Variants in CPLANE1 observed in about 807,000 individuals in gnomAD.
CPLANE1 encodes ciliogenesis and planar polarity effector 1.
Under a neutral mutation model 362.5 loss-of-function variants are expected in CPLANE1, and 263 were observed. That is an observed-to-expected ratio of 0.73 (90% CI 0.66 to 0.80). CPLANE1 has a LOEUF of 0.80. CPLANE1 is among the 30% of genes least tolerant of loss of function. The probability of loss-of-function intolerance (pLI) is 0.00; values close to 1 mark genes in which losing one functional copy is unlikely to be tolerated. For missense variants in CPLANE1, 3,461 were observed against 3,793.4 expected (o/e 0.91, Z 2.30); for synonymous variants, 1,212 against 1,302.6 (o/e 0.93, Z 1.50).
chr5:37,130,164 A>G (rs1052444386), intron 46 of CPLANE1, among the ~76,000 whole-genome samples: 1 of 152,210 alleles, frequency 6.6e-6, no homozygotes, highest in Non-Finnish European at 1.5e-5. Flanking sequence ...CAAACATTGT[A>G]TGCTCTCACT....
chr5:37,130,126 T>G (rs540014556), intron 46 of CPLANE1, among the ~76,000 whole-genome samples: 1 of 152,210 alleles, frequency 6.6e-6, no homozygotes, highest in Non-Finnish European at 1.5e-5. Context: ...ACCATTATCC[T>G]AAGTGAAATA....
In CPLANE1 at chr5:37,213,720, G is replaced by C; in HGVS notation, c.2759C>G (p.Ser920Cys). Residue 920 changes from serine to cysteine, a missense_variant, in exon 16 of 53, where the codon TCT becomes TGT. Ser to Cys is a moderately radical substitution (Grantham distance 112, BLOSUM62 -1). Coordinates refer to ENST00000651892, the MANE Select transcript of CPLANE1 (RefSeq NM_001384732.1). Reference sequence around the variant, plus strand: ...GCCCACCATTCCACACTCAAAATGAGACTTTGCAGCACCTAAGGAATACAG... The same window carrying C: ...GCCCACCATTCCACACTCAAAATGACACTTTGCAGCACCTAAGGAATACAG... ...ENKDFSGAAK[S>C]HFECGMVGGV... is the part of the protein sequence containing the mutation. 6.6e-7 allele frequency: 1 copy of C among 1,508,410 alleles called. No homozygotes were observed. The highest frequency in any genetic ancestry group is 8.9e-7 in the Non-Finnish European group (1 of 1,121,026). The allele number at this position is 1,508,410 out of a possible 1,614,324, so 93.4% of individuals were successfully genotyped here. A position where few individuals can be genotyped will look rare whatever the true frequency, so the allele number is the denominator to read the frequency against.
chr5:37,230,709 CAG>C (rs1797550790), intron 9 of CPLANE1, among the ~76,000 whole-genome samples, 156 bp downstream of exon 9: 1 of 151,730 alleles, frequency 6.6e-6, no homozygotes. Flanking sequence ...CAAAAAGAAA[CAG>C]AAGAAAACTA....
At chr5:37,215,739 CTTTTTTTTTTTTTTTT>C in intron 15 of CPLANE1, among the ~76,000 whole-genome samples, 1 of 95,200 alleles carries the variant, frequency 1.1e-5, no homozygotes, top group East Asian at 3.2e-4. Flanking sequence ...CTTCTCTTTC[CTTTTTTTTTTTTTTTT>C]TTTTTTTTGA....
chr5:37,152,228 G>A lies in CPLANE1; in HGVS notation c.8373+1512C>T, dbSNP rs192325564. Among the ~76,000 whole-genome samples the A allele has an allele frequency of 4.9e-4, 74 of 152,088 alleles. No homozygotes were observed. The East Asian group carries it at 7.4e-3, about 15-fold the overall frequency. ...GTCTTGCTCTGACACCCAGGCTACA[G>A]TGCAGTGGCACAATAATAGCTTACT... is the stretch of plus-strand genomic sequence containing the variant. On this transcript the variant is annotated intron_variant, in intron 42 of 52. Transcript: ENST00000651892.
chr5:37,196,131 TCAGA>T (rs1787347898), intron 20 of CPLANE1, 135 bp from the exon 21 acceptor site: 14 of 554,566 alleles, frequency 2.5e-5, no homozygotes, highest in African/African-American at 3.9e-5. Context: ...AGCTATATTT[TCAGA>T]AACTTACAAA....
chr5:37,142,840 G>A (rs1351892226), intron 43 of CPLANE1, among the ~76,000 whole-genome samples: 1 of 152,206 alleles, frequency 6.6e-6, no homozygotes, highest in African/African-American at 2.4e-5. Context: ...CAGTAAGTGG[G>A]CAATGATGCT....
At chr5:37,143,732 G>C (rs144372925) in intron 43 of CPLANE1, among the ~76,000 whole-genome samples, 10 of 152,006 alleles carry the variant, frequency 6.6e-5, no homozygotes, top group Non-Finnish European at 2.9e-5. Flanking sequence ...TCAGGAGTTC[G>C]AGAACAGCCT....
At chr5:37,235,076 C>G (rs940443431) in intron 8 of CPLANE1, among the ~76,000 whole-genome samples, 23 of 152,120 alleles carry the variant, frequency 1.5e-4, no homozygotes, top group Middle Eastern at 3.4e-3. Flanking sequence ...CTAGAAAACC[C>G]TAAAGACTCC....
At chr5:37,202,038 C>T (rs1033974163) in intron 18 of CPLANE1, among the ~76,000 whole-genome samples, 1 of 151,468 alleles carries the variant, frequency 6.6e-6, no homozygotes, top group Non-Finnish European at 1.5e-5. Context: ...AACAACTATA[C>T]AATAAAAATA....
chr5:37,173,968 T>A, intron 31 of CPLANE1, 21 bp from the exon 32 acceptor site: 1 of 1,588,160 alleles, frequency 6.3e-7, no homozygotes. Flanking sequence ...AGCATTTAAA[T>A]AAAAAACATG....
At chr5:37,105,200 C>T (rs1757501736), downstream of CPLANE1, among the ~76,000 whole-genome samples, 3 of 151,722 alleles carry the variant, frequency 2.0e-5, no homozygotes, top group East Asian at 3.9e-4. Flanking sequence ...CTTGGGTAGT[C>T]GAGGTGGGAG....
intron 47 of CPLANE1, among the ~76,000 whole-genome samples, chr5:37,123,132 T>G (rs534345226): frequency 6.6e-5 from 10 of 152,310 alleles, no homozygotes; most frequent in South Asian, 2.1e-4. Flanking sequence ...TTTTTATGTT[T>G]TAAAATGTTT....
the CPLANE1 span, among the ~76,000 whole-genome samples, chr5:37,081,720 C>T: frequency 6.6e-6 from 1 of 152,086 alleles, no homozygotes; most frequent in Non-Finnish European, 1.5e-5. Flanking sequence ...TCATGAAAAA[C>T]ATCAACCTAC....
chr5:37,157,958 A>AAG, intron 39 of CPLANE1, 90 bp from the exon 40 acceptor site: 1 of 762,518 alleles, frequency 1.3e-6, no homozygotes, highest in Non-Finnish European at 1.9e-6. Flanking sequence ...AAAAAAAAAA[A>AAG]GGCTTAATTC....
chr5:37,229,152 G>A (rs1797118505), intron 9 of CPLANE1, among the ~76,000 whole-genome samples: 1 of 146,450 alleles, frequency 6.8e-6, no homozygotes, highest in Non-Finnish European at 1.5e-5. Context: ...GGGAGGTGGT[G>A]GTTGCAGTAA....
At chr5:37,180,522 T>C (rs2151106809) in intron 27 of CPLANE1, among the ~76,000 whole-genome samples, 1 of 152,292 alleles carries the variant, frequency 6.6e-6, no homozygotes, top group East Asian at 1.9e-4. Context: ...ATAATGGGTT[T>C]TGCCTTGGTA....
intron 21 of CPLANE1, among the ~76,000 whole-genome samples, chr5:37,192,822 C>T (rs1267321382): frequency 7.0e-6 from 1 of 142,388 alleles, no homozygotes; most frequent in African/African-American, 2.7e-5. Context: ...TGCCACTACA[C>T]TCCAGCCTGG....
intron 5 of CPLANE1, 44 bp downstream of exon 5, chr5:37,244,329 ACT>A (rs1561722475): frequency 7.7e-7 from 1 of 1,298,166 alleles, no homozygotes; most frequent in African/African-American, 1.5e-5. Context: ...ACCATTACAC[ACT>A]CTGCTAATCT....
Sources: gnomAD v4.1 joint callset for allele counts (sites outside exome capture counted in the v4.1 genomes callset) on GRCh38, gnomAD v4.1.1 for gene constraint, MANE v1.5 for transcripts, NCBI Gene and HGNC (gene_info 2026-07-23, HGNC 2026-07-21) for gene names.